DAB1: variants seen among roughly 807,000 people sequenced by gnomAD.
The protein encoded by DAB1 is disabled homolog 1.
Under a neutral mutation model 64.6 loss-of-function variants are expected in DAB1, and 15 were observed. The observed-to-expected ratio is 0.23, with a 90% confidence interval of 0.16 to 0.36. The LOEUF is 0.36. Among genes scored for constraint, DAB1 ranks in the 10% least tolerant of loss-of-function variants. The pLI, the probability that DAB1 is intolerant of heterozygous loss-of-function variation, is 1.00. For missense variants in DAB1, 596 were observed against 706.7 expected, an observed-to-expected ratio of 0.84 and a Z score of 1.78; for synonymous variants, 235 against 251.9, an observed-to-expected ratio of 0.93 and a Z score of 0.64.
intron 2 of DAB1, among the ~76,000 whole-genome samples, chr1:57,273,721 T>C (rs1570127330): frequency 1.3e-5 from 2 of 150,258 alleles, no homozygotes; most frequent in East Asian, 2.0e-4. Context: ...TGCTTCCCTA[T>C]TTTTCCTCAC....
chr1:58,533,943 A>T (rs879497638), intron 1 of DAB1: 3 of 870,124 alleles, frequency 3.4e-6, no homozygotes, highest in Non-Finnish European at 6.0e-6. Context: ...CATTCATTTT[A>T]GGTACTTACA....
chr1:57,002,670 A>C (rs1026212287), intron 14 of DAB1, among the ~76,000 whole-genome samples: 3 of 152,226 alleles, frequency 2.0e-5, no homozygotes, highest in Non-Finnish European at 2.9e-5. Context: ...TATCATGGTC[A>C]CTAAGTGGCC....
intron 2 of DAB1, among the ~76,000 whole-genome samples, chr1:57,252,541 T>G (rs993953351): frequency 2.0e-5 from 3 of 152,238 alleles, no homozygotes; most frequent in Admixed American, 1.3e-4. Flanking sequence ...GGTTTGTTTA[T>G]GTACCCAACA....
At chr1:57,372,825 G>A (rs899821789) in intron 1 of DAB1, among the ~76,000 whole-genome samples, 5 of 151,926 alleles carry the variant, frequency 3.3e-5, no homozygotes, top group Admixed American at 2.0e-4. Flanking sequence ...TACACTTCTC[G>A]GAGTATCCAC....
intron 4 of DAB1, among the ~76,000 whole-genome samples, chr1:58,183,468 G>A (rs1219675796): frequency 1.3e-5 from 2 of 152,086 alleles, no homozygotes; most frequent in East Asian, 3.8e-4. Context: ...TCTCATTCTA[G>A]ATCTCCCTGT....
chr1:57,605,972 G>A (rs564252793), intron 7 of DAB1: 14 of 682,676 alleles, frequency 2.1e-5, no homozygotes, highest in Admixed American at 1.8e-4. Flanking sequence ...ATCTGGAAAC[G>A]ACCTCATGTC....
Position 58,025,214 on chromosome 1 carries a change from A to G in DAB1, n.387+125297T>C, listed in dbSNP as rs898724785. 4.6e-5 allele frequency among the ~76,000 whole-genome samples: 7 copies of G among 151,696 alleles called. No homozygotes were observed. The East Asian group carries it at 1.4e-3, about 29-fold the overall frequency. On this transcript the variant is annotated intron_variant and non_coding_transcript_variant, in intron 5 of 20. Coordinates refer to the DAB1 transcript ENST00000485760. ...ATTCTTTGGGGAGGCTTCAGAAATA[A>G]CTCTCTAAATACAATATCTTATGTT... is the stretch of plus-strand genomic sequence containing the variant.
intron 7 of DAB1, among the ~76,000 whole-genome samples, chr1:57,520,340 T>A (rs1001957384): frequency 6.6e-6 from 1 of 152,226 alleles, no homozygotes; most frequent in Non-Finnish European, 1.5e-5. Flanking sequence ...CCAGTTTCTA[T>A]TCTGATATGG....
intron 1 of DAB1, among the ~76,000 whole-genome samples, chr1:57,403,283 C>G (rs1683388945): frequency 1.3e-5 from 2 of 152,204 alleles, no homozygotes; most frequent in Non-Finnish European, 2.9e-5. Context: ...GGTTGCTGAA[C>G]TAGTAGGATT....
chr1:57,717,300 C>G (rs1015834924), intron 6 of DAB1, among the ~76,000 whole-genome samples: 2 of 150,652 alleles, frequency 1.3e-5, no homozygotes, highest in African/African-American at 4.9e-5. Context: ...CATACAAATG[C>G]CCCACAGATA....
chr1:57,734,736 G>A (rs1416898195), intron 6 of DAB1, among the ~76,000 whole-genome samples: 2 of 152,192 alleles, frequency 1.3e-5, no homozygotes, highest in Non-Finnish European at 2.9e-5. Context: ...CAATTCAATT[G>A]CAGAGGCAGT....
chr1:58,136,958 T>G (rs1304522804), intron 5 of DAB1, among the ~76,000 whole-genome samples: 1 of 152,008 alleles, frequency 6.6e-6, no homozygotes, highest in Non-Finnish European at 1.5e-5. Context: ...TAGAGACAAA[T>G]AAAGAATCAT....
intron 5 of DAB1, among the ~76,000 whole-genome samples, chr1:57,965,371 G>A (rs1645638592): frequency 6.6e-6 from 1 of 152,140 alleles, no homozygotes; most frequent in Admixed American, 6.5e-5. Context: ...AGTTCAAGTT[G>A]TGCTTTGCCA....
intron 2 of DAB1, among the ~76,000 whole-genome samples, chr1:57,254,380 A>G (rs1189343581): frequency 1.3e-5 from 2 of 152,242 alleles, no homozygotes; most frequent in Non-Finnish European, 2.9e-5. Flanking sequence ...CAGCATCATT[A>G]GGGTAACACA....
At chr1:57,764,788 C>T (rs12131093) in intron 6 of DAB1, among the ~76,000 whole-genome samples, 2 of 152,084 alleles carry the variant, frequency 1.3e-5, no homozygotes, top group Non-Finnish European at 2.9e-5. Context: ...AGAAGATTTA[C>T]AAAGATGATC....
At chr1:57,608,271 A>G (rs759718185) in intron 7 of DAB1, among the ~76,000 whole-genome samples, 30 of 152,310 alleles carry the variant, frequency 2.0e-4, no homozygotes, top group Non-Finnish European at 3.5e-4. Flanking sequence ...CTCTCTGGGT[A>G]AGTGTCTTCA....
intron 6 of DAB1, among the ~76,000 whole-genome samples, chr1:57,806,668 C>T (rs971080255): frequency 2.6e-5 from 4 of 152,156 alleles, no homozygotes; most frequent in South Asian, 2.1e-4. Context: ...CCCTAGAAAA[C>T]GAATATAAAA....
At chr1:57,499,365 A>T (rs752867840) in intron 7 of DAB1, among the ~76,000 whole-genome samples, 3 of 152,176 alleles carry the variant, frequency 2.0e-5, no homozygotes, top group Non-Finnish European at 2.9e-5. Flanking sequence ...ATTTGCTGAG[A>T]GTCAGAGAGG....
intron 1 of DAB1, among the ~76,000 whole-genome samples, chr1:57,337,641 T>C (rs1242738945): frequency 6.6e-6 from 1 of 152,212 alleles, no homozygotes; most frequent in African/African-American, 2.4e-5. Context: ...CAGAATCTGG[T>C]TGGTTTACTG....
Sources: gnomAD v4.1 joint callset for allele counts (sites outside exome capture counted in the v4.1 genomes callset) on GRCh38, gnomAD v4.1.1 for gene constraint, MANE v1.5 for transcripts, NCBI Gene and HGNC (gene_info 2026-07-23, HGNC 2026-07-21) for gene names.